Variants in VTA1 observed in about 807,000 individuals in gnomAD.
The protein encoded by VTA1 is vesicle trafficking 1.
Under a neutral mutation model 36.9 loss-of-function variants are expected in VTA1, and 24 were observed. That is an observed-to-expected ratio of 0.65 (90% confidence interval 0.47 to 0.91). The LOEUF is 0.91. VTA1 is among the 40% of genes least tolerant of loss of function. The pLI is 0.00. For synonymous variants in VTA1, 142 were observed against 130.2 expected (o/e 1.09, Z -0.62); for missense variants, 393 against 377.2 (o/e 1.04, Z -0.35).
chr6:142,200,157 A>G (rs1466485342), intron 6 of VTA1, among the ~76,000 whole-genome samples: 1 of 152,008 alleles, frequency 6.6e-6, no homozygotes, highest in Non-Finnish European at 1.5e-5. Context: ...CGTGACCTTA[A>G]TTTTTCCTCT....
chr6:142,202,561 A>G (rs181279044), intron 6 of VTA1, among the ~76,000 whole-genome samples: 1,925 of 152,136 alleles, frequency 0.013, 27 homozygotes, highest in Admixed American at 0.02. Flanking sequence ...TAAGTGAAAA[A>G]TGCATAAAAC....
chr6:142,148,049 A>T (rs1030666635), intron 1 of VTA1, among the ~76,000 whole-genome samples: 16 of 152,352 alleles, frequency 1.1e-4, no homozygotes, highest in Middle Eastern at 3.4e-3. Context: ...TTGATTAAAA[A>T]AAATATAGGT....
Position 142,207,173 on chromosome 6 carries a change from T to G in VTA1, c.778+3108T>G, listed in dbSNP as rs544962229. 9.2e-5 allele frequency among the ~76,000 whole-genome samples: 14 copies of G among 152,242 alleles called. No homozygotes were observed. In the South Asian group the frequency reaches 2.9e-3, roughly 32 times the overall value. On this transcript the variant is annotated intron_variant, in intron 7 of 7. Transcript: ENST00000367630. Reference sequence around the variant, plus strand: ...CCAGTAGGAGAATCAGACTTCCACTTTCATGATGCTTCTGCCCTACCCTTA... The same window carrying G: ...CCAGTAGGAGAATCAGACTTCCACTGTCATGATGCTTCTGCCCTACCCTTA...
intron 2 of VTA1, among the ~76,000 whole-genome samples, chr6:142,166,902 A>G (rs2114642354): frequency 6.6e-6 from 1 of 152,318 alleles, no homozygotes; most frequent in Admixed American, 6.5e-5. Context: ...CTGGGATTAC[A>G]GGCATGAGCC....
intron 7 of VTA1, among the ~76,000 whole-genome samples, chr6:142,212,820 GACCTCACT>G (rs946836345): frequency 6.6e-6 from 1 of 152,106 alleles, no homozygotes; most frequent in Admixed American, 6.5e-5. Flanking sequence ...GATCTCGTGA[GACCTCACT>G]ATCACAAGAA....
At chr6:142,194,204 C>G (rs1775503710) in intron 5 of VTA1, among the ~76,000 whole-genome samples, 1 of 152,128 alleles carries the variant, frequency 6.6e-6, no homozygotes, top group African/African-American at 2.4e-5. Context: ...GGGTGTATTA[C>G]TCTGACCCAT....
intron 5 of VTA1, 88 bp from the exon 6 acceptor site, chr6:142,198,351 C>T: frequency 1.1e-5 from 13 of 1,227,402 alleles, no homozygotes; most frequent in Non-Finnish European, 1.3e-5. Flanking sequence ...TTAAAGATTC[C>T]ATTTGTCATG....
chr6:142,153,160 T>TA (rs755258422), intron 1 of VTA1, among the ~76,000 whole-genome samples: 1 of 152,106 alleles, frequency 6.6e-6, no homozygotes, highest in Non-Finnish European at 1.5e-5. Flanking sequence ...TACAAATTCT[T>TA]AATGAATGCC....
At chr6:142,195,638 G>A (rs1343453062) in intron 5 of VTA1, among the ~76,000 whole-genome samples, 1 of 107,638 alleles carries the variant, frequency 9.3e-6, no homozygotes, top group Non-Finnish European at 1.9e-5. Context: ...AGGAAATGTA[G>A]ATCTTTGATC....
chr6:142,196,287 A>G (rs1462991546), intron 5 of VTA1, among the ~76,000 whole-genome samples: 2 of 152,096 alleles, frequency 1.3e-5, no homozygotes, highest in African/African-American at 4.8e-5. Context: ...TTTTTATCTC[A>G]GCTAATATTC....
chr6:142,211,140 A>T (rs752155607), intron 7 of VTA1, among the ~76,000 whole-genome samples: 9 of 152,108 alleles, frequency 5.9e-5, no homozygotes, highest in Non-Finnish European at 1.3e-4. Context: ...AAATAGAGGT[A>T]GATTAGTGGT....
At chr6:142,160,821 T>A (rs1280268556) in intron 1 of VTA1, among the ~76,000 whole-genome samples, 1 of 152,174 alleles carries the variant, frequency 6.6e-6, no homozygotes, top group Non-Finnish European at 1.5e-5. Context: ...AATAATCAAA[T>A]CATCACTTAG....
intron 6 of VTA1, among the ~76,000 whole-genome samples, chr6:142,199,063 A>T (rs894718811): frequency 2.3e-4 from 35 of 151,888 alleles, no homozygotes; most frequent in Non-Finnish European, 2.9e-5. Context: ...GGTATTATTG[A>T]TGATGGGGAA....
At chr6:142,206,833 A>G (rs78058035) in intron 7 of VTA1, among the ~76,000 whole-genome samples, 338 of 152,320 alleles carry the variant, frequency 2.2e-3, no homozygotes, top group Non-Finnish European at 3.4e-3. Flanking sequence ...AGGGAACACC[A>G]TTGAAAAAAG....
At chr6:142,186,027 A>G (rs1428014843) in intron 4 of VTA1, among the ~76,000 whole-genome samples, 4 of 152,214 alleles carry the variant, frequency 2.6e-5, no homozygotes, top group African/African-American at 9.7e-5. Flanking sequence ...ATATAATTAT[A>G]AACTATGATA....
chr6:142,175,165 G>T (rs1775096238), intron 4 of VTA1, among the ~76,000 whole-genome samples: 1 of 152,140 alleles, frequency 6.6e-6, no homozygotes, highest in African/African-American at 2.4e-5. Context: ...TTCACAAGAT[G>T]AATTATGCAA....
At chr6:142,171,909 T>C (rs984383731) in intron 4 of VTA1, among the ~76,000 whole-genome samples, 2 of 152,228 alleles carry the variant, frequency 1.3e-5, no homozygotes. Context: ...TATTTTTTGT[T>C]TATATTCAAA....
chr6:142,175,637 C>G (rs1562260749), intron 4 of VTA1, among the ~76,000 whole-genome samples: 1 of 152,082 alleles, frequency 6.6e-6, no homozygotes, highest in African/African-American at 2.4e-5. Flanking sequence ...TGAAAAGTTG[C>G]TATAGTGTTT....
chr6:142,188,823 A>G (rs1282741903), intron 4 of VTA1, among the ~76,000 whole-genome samples: 1 of 152,220 alleles, frequency 6.6e-6, no homozygotes, highest in East Asian at 1.9e-4. Context: ...ACATAGAAGA[A>G]GAGGCAGCTA....
Sources: allele counts gnomAD v4.1 joint callset (sites outside exome capture counted in the v4.1 genomes callset), GRCh38; gene constraint gnomAD v4.1.1; transcripts MANE v1.5; gene names NCBI Gene and HGNC (gene_info 2026-07-23, HGNC 2026-07-21).